The following PRKN variants were observed in gnomAD, a reference collection of about 807,000 sequenced individuals.
The protein encoded by PRKN is E3 ubiquitin-protein ligase parkin.
A neutral mutation model predicts 59.5 loss-of-function variants in PRKN; 56 were observed. The observed-to-expected ratio is 0.94, with a 90% CI of 0.76 to 1.18. The LOEUF is 1.18. PRKN is among the 50% of genes most tolerant of loss of function. The pLI, the probability that PRKN is intolerant of heterozygous loss-of-function variation, is 0.00. For synonymous variants in PRKN, 250 were observed against 222.1 expected, an observed-to-expected ratio of 1.13 and a Z score of -1.12; for missense variants, 657 against 596.4, an observed-to-expected ratio of 1.10 and a Z score of -1.06.
chr6:162,038,416 T>C (rs899763257), intron 5 of PRKN, among the ~76,000 whole-genome samples: 5 of 152,164 alleles, frequency 3.3e-5, no homozygotes, highest in African/African-American at 1.2e-4. Context: ...TCCCTTACAA[T>C]GACAGGCTCT....
In PRKN at chr6:161,432,500, TTAC is replaced by T. The variant is rs1340084886; in HGVS notation, c.1084-45626_1084-45624del. On this transcript the variant is annotated intron_variant, in intron 9 of 11. Transcript: ENST00000366898. ...GCCTCAGCCTCCCAAGTAGCTGGGA[TTAC>T]AGGCGCCCGCCATCACCATGCCCAG... 5.3e-5 allele frequency among the ~76,000 whole-genome samples: 8 copies of T among 151,726 alleles called. No homozygotes were observed. The East Asian group carries it at 1.4e-3, about 26-fold the overall frequency.
At chr6:162,292,866 C>CA (rs1354960259) in intron 2 of PRKN, among the ~76,000 whole-genome samples, 1 of 152,180 alleles carries the variant, frequency 6.6e-6, no homozygotes, top group African/African-American at 2.4e-5. Flanking sequence ...CTACAGCACA[C>CA]AAAAAAACCT....
chr6:162,390,045 A>G (rs930860021), intron 2 of PRKN, among the ~76,000 whole-genome samples: 1 of 152,110 alleles, frequency 6.6e-6, no homozygotes, highest in African/African-American at 2.4e-5. Context: ...AAGAATAGCA[A>G]TGCTATCATT....
intron 2 of PRKN, among the ~76,000 whole-genome samples, chr6:162,371,454 T>A (rs1399713237): frequency 1.3e-5 from 2 of 152,116 alleles, no homozygotes; most frequent in South Asian, 2.1e-4. Context: ...GATGTGAACA[T>A]CAGACTTTCA....
intron 1 of PRKN, among the ~76,000 whole-genome samples, chr6:162,576,993 G>A (rs1441121305): frequency 1.3e-5 from 2 of 151,730 alleles, no homozygotes; most frequent in Non-Finnish European, 2.9e-5. Flanking sequence ...TTCTAAACAC[G>A]ACCATAAAGA....
chr6:161,540,805 T>C (rs1028457761), intron 9 of PRKN, among the ~76,000 whole-genome samples: 2 of 152,202 alleles, frequency 1.3e-5, no homozygotes, highest in Admixed American at 6.5e-5. Context: ...TTTTAAGTCC[T>C]ATAGGAAAGA....
chr6:161,366,536 T>TC (rs1562397821), intron 10 of PRKN, among the ~76,000 whole-genome samples: 1 of 152,204 alleles, frequency 6.6e-6, no homozygotes, highest in African/African-American at 2.4e-5. Context: ...TAAGAAGGAC[T>TC]CCGTACTTCT....
intron 4 of PRKN, among the ~76,000 whole-genome samples, chr6:162,152,479 T>C (rs919061066): frequency 1.3e-5 from 2 of 152,160 alleles, no homozygotes; most frequent in African/African-American, 4.8e-5. Context: ...TCAATCAAGG[T>C]CATTGAAATT....
chr6:162,686,642 T>G (rs2128234090), intron 1 of PRKN, among the ~76,000 whole-genome samples: 1 of 152,348 alleles, frequency 6.6e-6, no homozygotes. Flanking sequence ...CTAGGCATGA[T>G]GGCTCGTGCC....
Position 161,771,367 on chromosome 6 carries a change from A to T in PRKN, c.871+14405T>A, listed in dbSNP as rs9458362. ...CAAGACTCCACCTCAAAAAAAAAAA[A>T]AAAATAAAATAAAATAAAATAAAAT... On this transcript the variant is annotated intron_variant, in intron 7 of 11. Transcript: ENST00000366898. Among the ~76,000 whole-genome samples the T allele has an allele frequency of 8.7e-3, 720 of 82,724 alleles. 18 individuals carry two copies. Among genetic ancestry groups the T allele is most frequent in the South Asian group, 0.027 (49 of 1,782 alleles). 54.3% of individuals were successfully genotyped at this position (82,724 alleles called of 152,430 possible).
At chr6:162,587,909 A>G (rs1374209403) in intron 1 of PRKN, among the ~76,000 whole-genome samples, 1 of 152,180 alleles carries the variant, frequency 6.6e-6, no homozygotes, top group Non-Finnish European at 1.5e-5. Flanking sequence ...TACATCTTTC[A>G]TAACTTGGCT....
chr6:162,525,494 G>A (rs568660029), intron 1 of PRKN, among the ~76,000 whole-genome samples: 8 of 152,244 alleles, frequency 5.3e-5, no homozygotes, highest in South Asian at 4.1e-4. Flanking sequence ...CCCGTGAGGC[G>A]TGGCCTCATC....
At chr6:162,674,456 T>C (rs1229528737) in intron 1 of PRKN, among the ~76,000 whole-genome samples, 1 of 151,966 alleles carries the variant, frequency 6.6e-6, no homozygotes, top group African/African-American at 2.4e-5. Flanking sequence ...TACAACCAAG[T>C]AGGGAATAAT....
At chr6:162,361,883 G>T (rs1187249041) in intron 2 of PRKN, among the ~76,000 whole-genome samples, 1 of 152,112 alleles carries the variant, frequency 6.6e-6, no homozygotes, top group Non-Finnish European at 1.5e-5. Context: ...CATTCTTGGA[G>T]AAACAGCTGA....
rs961713562 is a variant in PRKN at position 162,075,314 on chromosome 6, A to G, written c.535-21140T>C. 4.1e-4 allele frequency among the ~76,000 whole-genome samples: 62 copies of G among 152,184 alleles called. 1 individual carries two copies. Among genetic ancestry groups the G allele is most frequent in the African/African-American group, 1.5e-3 (61 of 41,450 alleles). The stretch of plus-strand genomic sequence containing the variant: ...ACTATGCTTATTAAATAAGAAGTTT[A>G]TTAGATTTCTAGTGAATGCTCAGAT... On this transcript the variant is annotated intron_variant, in intron 4 of 11. Transcript: ENST00000366898.
At position 161,539,696 on chromosome 6, in the gene PRKN, T is replaced by A. The variant is rs571603025; in HGVS notation, c.1083+9158A>T. Among the ~76,000 whole-genome samples the A allele has an allele frequency of 1.9e-4, 29 of 152,240 alleles. No homozygotes were observed. In the South Asian group the frequency reaches 5.4e-3, roughly 28 times the overall value. On this transcript the variant is annotated intron_variant, in intron 9 of 11. Coordinates refer to ENST00000366898, the MANE Select transcript of PRKN (RefSeq NM_004562.3). ...CAGAAACCTCAAACATTCTAGAAGGTTATAAACTGAAAAGTAAAAGCTTCC... is the reference window on the plus strand; with the variant it reads ...CAGAAACCTCAAACATTCTAGAAGGATATAAACTGAAAAGTAAAAGCTTCC...
chr6:162,182,995 C>A (rs750669345), intron 4 of PRKN, among the ~76,000 whole-genome samples: 2 of 151,620 alleles, frequency 1.3e-5, no homozygotes, highest in African/African-American at 2.4e-5. Context: ...TGCTTTTCTG[C>A]CGATTTGAAG....
intron 7 of PRKN, among the ~76,000 whole-genome samples, chr6:161,580,822 C>T (rs972998683): frequency 2.6e-5 from 4 of 151,768 alleles, no homozygotes; most frequent in South Asian, 2.1e-4. Context: ...GAAAATGAAG[C>T]TCAATAGACA....
chr6:161,591,076 T>C (rs1250333016), intron 7 of PRKN, among the ~76,000 whole-genome samples: 1 of 152,186 alleles, frequency 6.6e-6, no homozygotes, highest in Non-Finnish European at 1.5e-5. Flanking sequence ...TGAGAAAACA[T>C]ATTCTGCAAT....
Sources: gnomAD v4.1 joint callset for allele counts (sites outside exome capture counted in the v4.1 genomes callset) on GRCh38, gnomAD v4.1.1 for gene constraint, MANE v1.5 for transcripts, NCBI Gene and HGNC (gene_info 2026-07-23, HGNC 2026-07-21) for gene names.